GOLGA3: variants seen among roughly 807,000 people sequenced by gnomAD.
The protein encoded by GOLGA3 is golgin A3.
In GOLGA3, 75 loss-of-function variants were observed where a neutral mutation model predicts 169.4. That is an observed-to-expected ratio of 0.44 (90% CI 0.37 to 0.54). The LOEUF is 0.54. GOLGA3 is among the 20% of genes least tolerant of loss of function. The probability of loss-of-function intolerance (pLI) is 0.00; values close to 1 mark genes in which losing one functional copy is unlikely to be tolerated. For synonymous variants in GOLGA3, 824 were observed against 822.4 expected, an observed-to-expected ratio of 1.00 and a Z score of -0.03; for missense variants, 1,899 against 1,930.0, an observed-to-expected ratio of 0.98 and a Z score of 0.30.
At chr12:132,775,805 C>T (rs976053228) in intron 21 of GOLGA3, among the ~76,000 whole-genome samples, 4 of 152,236 alleles carry the variant, frequency 2.6e-5, no homozygotes, top group African/African-American at 9.6e-5. Context: ...ACAAGGGGAA[C>T]TTAGCAATTA....
chr12:132,818,828 C>G (rs188018740), intron 2 of GOLGA3, among the ~76,000 whole-genome samples: 11 of 152,140 alleles, frequency 7.2e-5, no homozygotes, highest in African/African-American at 2.7e-4. Flanking sequence ...AGCCCAGAAC[C>G]GCGCTTCTGC....
intron 2 of GOLGA3, among the ~76,000 whole-genome samples, chr12:132,821,528 G>C (rs1214369552): frequency 6.6e-6 from 1 of 151,950 alleles, no homozygotes; most frequent in African/African-American, 2.4e-5. Context: ...GAATGTGCCT[G>C]ATCTAAAGGT....
At chr12:132,775,402 C>T in intron 21 of GOLGA3, 97 bp from the exon 22 acceptor site, 1 of 1,055,868 alleles carries the variant, frequency 9.5e-7, no homozygotes, top group Non-Finnish European at 1.4e-6. Context: ...ACACACATGT[C>T]CTCCTCGGCG....
chr12:132,810,740 G>C (rs1250232750), intron 4 of GOLGA3, among the ~76,000 whole-genome samples: 1 of 151,726 alleles, frequency 6.6e-6, no homozygotes, highest in African/African-American at 2.4e-5. Flanking sequence ...TCAGTGTCAA[G>C]GAAAAACACC....
chr12:132,815,937 G>A (rs797004213), intron 3 of GOLGA3, among the ~76,000 whole-genome samples: 20 of 152,324 alleles, frequency 1.3e-4, no homozygotes, highest in African/African-American at 4.3e-4. Flanking sequence ...GGTGGCTCAC[G>A]CCTGTAATCC....
intron 2 of GOLGA3, among the ~76,000 whole-genome samples, chr12:132,817,211 A>AC (rs749772386): frequency 4.3e-5 from 4 of 93,230 alleles, no homozygotes; most frequent in Non-Finnish European, 8.1e-5. Context: ...TCTAAGGTGA[A>AC]CCCGCCCTCC....
chr12:132,801,741 C>T, intron 8 of GOLGA3, 26 bp downstream of exon 8: 1 of 1,597,422 alleles, frequency 6.3e-7, no homozygotes, highest in Non-Finnish European at 8.6e-7. Context: ...GCGTGACCTG[C>T]CCTGGAAGGT....
intron 18 of GOLGA3, among the ~76,000 whole-genome samples, chr12:132,779,787 TAC>T (rs530987883): frequency 2.9e-5 from 2 of 68,736 alleles, no homozygotes; most frequent in South Asian, 5.9e-4. Context: ...CCCGTGCACA[TAC>T]ACACACCCCA....
chr12:132,808,648 C>T (rs530367040), intron 4 of GOLGA3, 99 bp from the exon 5 acceptor site: 100 of 930,686 alleles, frequency 1.1e-4, no homozygotes, highest in African/African-American at 4.9e-4. Flanking sequence ...CTACTCCCTC[C>T]GCTGACAACC....
rs1949520416 is a variant in GOLGA3, at chr12:132,808,247, C to T, written c.822G>A (p.Lys274=). ...CGGACGCCGCACTGCTTCTGTTCTGCTTCAGGGAACCCTTGGTAGAATCGG... is the reference window on the plus strand; with the variant it reads ...CGGACGCCGCACTGCTTCTGTTCTGTTTCAGGGAACCCTTGGTAGAATCGG... ...PAPDSTKGSL[K]QNRSSAASVV... Residue 274 remains lysine (K), a synonymous_variant, in exon 5 of 24, where the codon AAG becomes AAA. Coordinates refer to ENST00000450791, the MANE Select transcript of GOLGA3 (RefSeq NM_001389683.1). The T allele has an allele frequency of 1.2e-6, 2 of 1,613,976 alleles. No individual in the cohort carries two copies. The highest frequency in any genetic ancestry group is 2.7e-5 in the African/African-American group (2 of 74,918).
intron 6 of GOLGA3, among the ~76,000 whole-genome samples, chr12:132,805,854 A>G (rs1949370986): frequency 6.6e-6 from 1 of 152,210 alleles, no homozygotes. Flanking sequence ...CACACACAGA[A>G]TGCCAGACGT....
chr12:132,791,599 G>A (rs1030942740), intron 11 of GOLGA3, among the ~76,000 whole-genome samples: 6 of 150,002 alleles, frequency 4.0e-5, no homozygotes, highest in Non-Finnish European at 7.4e-5. Flanking sequence ...CACATCTGCA[G>A]AGTTGTTACA....
chr12:132,801,633 G>T, intron 8 of GOLGA3, 134 bp downstream of exon 8: 1 of 813,238 alleles, frequency 1.2e-6, no homozygotes, highest in East Asian at 2.5e-5. Flanking sequence ...ATGGGACACG[G>T]GGTGGGCTGG....
rs1252519055 is a variant in GOLGA3, at chr12:132,796,071, C to A, written c.2250G>T (p.Leu750=). The stretch of plus-strand genomic sequence containing the variant: ...CCTGCAGCTCCCCCAGCCTGGCCTG[C>A]AGCTCATCGTAGTGTGTCTGCAGGG... ...LDALQTHYDE[L]QARLGELQGE... Residue 750 remains leucine, a synonymous_variant, in exon 11 of 24, where the codon CTG becomes CTT. Transcript: ENST00000450791. 6.2e-7 allele frequency: 1 copy of A among 1,612,934 alleles called. No individual in the cohort carries two copies.
chr12:132,822,150 G>A lies in GOLGA3; in HGVS notation c.-22C>T, dbSNP rs759250235. ...CCATGGTCAGGACGACACCAGCTGAGCTGACGCTGAGGGGCTACAAGTGAA... is the reference window on the plus strand; with the variant it reads ...CCATGGTCAGGACGACACCAGCTGAACTGACGCTGAGGGGCTACAAGTGAA... On this transcript the variant is annotated 5_prime_UTR_variant, in exon 2 of 24. Coordinates refer to ENST00000450791, the MANE Select transcript of GOLGA3 (RefSeq NM_001389683.1). The A allele has an allele frequency of 1.9e-6, 3 of 1,589,980 alleles. No individual in the cohort carries two copies. The South Asian group carries it at 3.4e-5, about 18-fold the overall frequency.
At chr12:132,829,080 G>A (rs543705479), upstream of GOLGA3, among the ~76,000 whole-genome samples, 1 of 152,354 alleles carries the variant, frequency 6.6e-6, no homozygotes, top group African/African-American at 2.4e-5. Flanking sequence ...CCTTTCCCTA[G>A]TAGAAACGCA....
At chr12:132,808,633 G>A (rs943821401) in intron 4 of GOLGA3, 84 bp from the exon 5 acceptor site, 23 of 1,051,296 alleles carry the variant, frequency 2.2e-5, no homozygotes, top group African/African-American at 6.4e-5. Context: ...AGGTGGCACC[G>A]ATCACTACTC....
intron 11 of GOLGA3, among the ~76,000 whole-genome samples, chr12:132,793,015 CCCGCA>C (rs1463727824): frequency 8.1e-5 from 9 of 110,908 alleles, no homozygotes; most frequent in East Asian, 2.9e-4. Context: ...CCGCACGGGA[CCCGCA>C]CTCGGAGGGC....
rs11147070 is a variant in GOLGA3, at chr12:132,770,936, G to A, written c.*2169C>T. ...AGGCATGAGCCACCGCGCCCGGCCCGATTTCTTGATTTTAAAATTAAAACA... is the reference window on the plus strand; with the variant it reads ...AGGCATGAGCCACCGCGCCCGGCCCAATTTCTTGATTTTAAAATTAAAACA... On this transcript the variant is annotated 3_prime_UTR_variant, in exon 24 of 24. Transcript: ENST00000450791. 14,836 of 152,268 alleles carry A rather than the reference G, an allele frequency of 0.097. 926 individuals are homozygous for A. Among genetic ancestry groups the A allele is most frequent in the South Asian group, 0.15 (737 of 4,828 alleles). 9.4% of individuals were successfully genotyped at this position (152,268 alleles called of 1,614,324 possible). A position where few individuals can be genotyped will look rare whatever the true frequency, so the allele number is the denominator to read the frequency against.
Sources: allele counts gnomAD v4.1 joint callset (sites outside exome capture counted in the v4.1 genomes callset), GRCh38; gene constraint gnomAD v4.1.1; transcripts MANE v1.5; gene names NCBI Gene and HGNC (gene_info 2026-07-23, HGNC 2026-07-21).